Variants in SHB observed in about 807,000 individuals in gnomAD.
SHB encodes the protein SH2 domain-containing adapter protein B.
Under a neutral mutation model 52.3 loss-of-function variants are expected in SHB, and 20 were observed. The observed-to-expected ratio is 0.38, with a 90% CI of 0.27 to 0.56. The LOEUF is 0.56. SHB is among the 20% of genes least tolerant of loss of function. The pLI, the probability that SHB is intolerant of heterozygous loss-of-function variation, is 0.71. For missense variants in SHB, 825 were observed against 723.3 expected, an observed-to-expected ratio of 1.14 and a Z score of -1.61; for synonymous variants, 397 against 316.5, an observed-to-expected ratio of 1.25 and a Z score of -2.70.
In SHB at chr9:38,068,082, C is replaced by T. The variant is rs761735713; in HGVS notation, c.564G>A (p.Val188=). ...YISPKHRLIK[V]ESAAGGGAGD... is the part of the protein sequence containing the mutation. ...CGGCCCCACCGCCCGCGGCGCTCTC[C>T]ACTTTGATGAGGCGGTGCTTGGGGG... The change falls in exon 1 of 6, where the codon GTG becomes GTA. Residue 188 remains valine (V), a synonymous_variant. Coordinates refer to ENST00000377707, the MANE Select transcript of SHB (RefSeq NM_003028.3). 10 of 1,495,386 alleles carry T rather than the reference C, an allele frequency of 6.7e-6. No homozygotes were observed. In the African/African-American group the frequency reaches 1.5e-4, roughly 22 times the overall value. The allele number at this position is 1,495,386 out of a possible 1,614,324, so 92.6% of individuals were successfully genotyped here. A position where few individuals can be genotyped will look rare whatever the true frequency, so the allele number is the denominator to read the frequency against.
At position 38,035,533 on chromosome 9, in the gene SHB, A is replaced by G. The variant is rs185015501; in HGVS notation, c.718-19402T>C. Among the ~76,000 whole-genome samples the G allele has an allele frequency of 9.2e-5, 14 of 152,050 alleles. No individual in the cohort carries two copies. In the East Asian group the frequency reaches 2.7e-3, roughly 29 times the overall value. On this transcript the variant is annotated intron_variant, in intron 1 of 5. Coordinates refer to ENST00000377707, the MANE Select transcript of SHB (RefSeq NM_003028.3). ...GGCTGCTCAGTGAGAGAGGTTCTCC[A>G]CCTCTTTCCCCAGTGGCATGTGAAA...
chr9:38,056,668 T>G (rs1821825937), intron 1 of SHB, among the ~76,000 whole-genome samples: 1 of 152,216 alleles, frequency 6.6e-6, no homozygotes, highest in South Asian at 2.1e-4. Context: ...CAAGAAATCA[T>G]GAAGGTGGAG....
intron 1 of SHB, among the ~76,000 whole-genome samples, chr9:38,062,329 T>C (rs749250289): frequency 2.6e-5 from 4 of 152,206 alleles, no homozygotes; most frequent in Non-Finnish European, 2.9e-5. Context: ...ATAAGGTAGA[T>C]GATGGCATCG....
intron 2 of SHB, among the ~76,000 whole-genome samples, chr9:38,011,368 G>A (rs1304454744): frequency 1.3e-5 from 2 of 152,174 alleles, no homozygotes; most frequent in Non-Finnish European, 2.9e-5. Context: ...AAAAGGCCAA[G>A]ACCAGAATTT....
intron 5 of SHB, among the ~76,000 whole-genome samples, chr9:37,923,984 G>A (rs747487092): frequency 6.6e-6 from 1 of 152,254 alleles, no homozygotes; most frequent in African/African-American, 2.4e-5. Flanking sequence ...ACCGTCATCA[G>A]CACCATCGTC....
At chr9:38,057,887 A>C (rs1330003982) in intron 1 of SHB, among the ~76,000 whole-genome samples, 2 of 152,226 alleles carry the variant, frequency 1.3e-5, no homozygotes, top group African/African-American at 4.8e-5. Context: ...CTGCTGAGCA[A>C]AACAGTGGCT....
At chr9:38,018,504 T>C (rs1052374009) in intron 1 of SHB, among the ~76,000 whole-genome samples, 18 of 111,480 alleles carry the variant, frequency 1.6e-4, no homozygotes, top group Admixed American at 3.7e-4. Context: ...AATCCTTCCA[T>C]TGAAAAAAAA....
At chr9:37,988,010 G>GC (rs1486838944) in intron 2 of SHB, among the ~76,000 whole-genome samples, 4 of 152,152 alleles carry the variant, frequency 2.6e-5, no homozygotes, top group African/African-American at 9.7e-5. Context: ...AACCAAAGTA[G>GC]CCCCACCTGT....
rs1832119294 is a variant in SHB, at chr9:37,917,754, T to C, written c.*2067A>G. On this transcript the variant is annotated 3_prime_UTR_variant, in exon 6 of 6. Coordinates refer to ENST00000377707, the MANE Select transcript of SHB (RefSeq NM_003028.3). ...CTTCCTCCCTCATTGAGGGATGTTTTAGGAAATGCCAAACAGGCAAGGAAA... is the reference window on the plus strand; with the variant it reads ...CTTCCTCCCTCATTGAGGGATGTTTCAGGAAATGCCAAACAGGCAAGGAAA... Among the ~76,000 whole-genome samples the C allele has an allele frequency of 6.6e-6, 1 of 152,240 alleles. No homozygotes were observed. The highest frequency in any genetic ancestry group is 2.1e-4 in the South Asian group (1 of 4,836).
intron 1 of SHB, among the ~76,000 whole-genome samples, chr9:38,046,477 C>T (rs955036864): frequency 6.6e-6 from 1 of 152,162 alleles, no homozygotes; most frequent in African/African-American, 2.4e-5. Context: ...GAAGCCCCCC[C>T]GGGTCCTCCT....
chr9:37,996,491 AAGC>A (rs1028751635), intron 2 of SHB, among the ~76,000 whole-genome samples: 4 of 152,180 alleles, frequency 2.6e-5, no homozygotes, highest in Non-Finnish European at 5.9e-5. Context: ...AGCCTAAATA[AAGC>A]AGCAGTTCTT....
Position 38,068,335 on chromosome 9 carries a change from C to G in SHB, c.311G>C (p.Arg104Pro). 2 of 1,545,096 alleles carry G rather than the reference C, an allele frequency of 1.3e-6. No individual in the cohort carries two copies. Among genetic ancestry groups the G allele is most frequent in the Non-Finnish European group, 1.7e-6 (2 of 1,150,980 alleles). The part of the protein sequence containing the change: ...DPYNGPGSSL[R>P]KLRAMCRLDY... The stretch of plus-strand genomic sequence containing the variant: ...CAGGCGGCACATGGCGCGCAGTTTG[C>G]GCAGCGACGAGCCAGGCCCGTTGTA... The change falls in exon 1 of 6, where the codon CGC becomes CCC. Residue 104 changes from arginine to proline, a missense_variant. Physicochemically the swap from Arg to Pro is moderately radical, Grantham distance 103 (BLOSUM62 -2). Transcript: ENST00000377707.
At chr9:38,010,169 G>A (rs1821121311) in intron 2 of SHB, among the ~76,000 whole-genome samples, 1 of 152,218 alleles carries the variant, frequency 6.6e-6, no homozygotes, top group Admixed American at 6.5e-5. Flanking sequence ...CTGAGGCTCA[G>A]TATTCTCCTC....
At chr9:37,954,373 C>T (rs1364940724) in intron 4 of SHB, among the ~76,000 whole-genome samples, 3 of 152,204 alleles carry the variant, frequency 2.0e-5, no homozygotes, top group Admixed American at 6.5e-5. Flanking sequence ...ACGTGACACA[C>T]ACCAGGGAAG....
chr9:37,984,051 G>A (rs1220378641), intron 2 of SHB, among the ~76,000 whole-genome samples: 1 of 152,214 alleles, frequency 6.6e-6, no homozygotes, highest in African/African-American at 2.4e-5. Context: ...GGGAGAAAAC[G>A]GCACCCACTG....
At chr9:38,000,397 C>T (rs921731884) in intron 2 of SHB, among the ~76,000 whole-genome samples, 3 of 152,248 alleles carry the variant, frequency 2.0e-5, no homozygotes, top group Non-Finnish European at 2.9e-5. Flanking sequence ...CCACTGCCCA[C>T]GACCTTGCCC....
At chr9:38,028,702 T>C (rs891194118) in intron 1 of SHB, among the ~76,000 whole-genome samples, 2 of 152,236 alleles carry the variant, frequency 1.3e-5, no homozygotes, top group East Asian at 3.8e-4. Context: ...AGTCTATTTA[T>C]TCATTAAAAC....
At chr9:38,057,243 C>A (rs1821833199) in intron 1 of SHB, among the ~76,000 whole-genome samples, 1 of 152,102 alleles carries the variant, frequency 6.6e-6, no homozygotes, top group Non-Finnish European at 1.5e-5. Context: ...TTGTAGACAT[C>A]TTTCCATGTC....
At chr9:38,026,678 A>G (rs1821347198) in intron 1 of SHB, among the ~76,000 whole-genome samples, 1 of 152,214 alleles carries the variant, frequency 6.6e-6, no homozygotes, top group Admixed American at 6.5e-5. Flanking sequence ...CCAGCAACCA[A>G]GCCTTGATGA....
Sources: gnomAD v4.1 joint callset for allele counts (sites outside exome capture counted in the v4.1 genomes callset) on GRCh38, gnomAD v4.1.1 for gene constraint, MANE v1.5 for transcripts, NCBI Gene and HGNC (gene_info 2026-07-23, HGNC 2026-07-21) for gene names.